The following MTCL1 variants were observed in gnomAD, a reference collection of about 807,000 sequenced individuals.
The protein encoded by MTCL1 is microtubule crosslinking factor 1, also known as microtubule cross-linking factor 1.
In MTCL1, 79 loss-of-function variants were observed where a neutral mutation model predicts 141.4. The ratio of observed to expected loss-of-function variants is 0.56; its 90% CI spans 0.47 to 0.67. The LOEUF (loss-of-function observed/expected upper bound fraction) is 0.67, where lower values mean the gene tolerates loss of function less well. MTCL1 is among the 30% of genes least tolerant of loss of function. The pLI is 0.00. For synonymous variants in MTCL1, 914 were observed against 875.8 expected (o/e 1.04, Z -0.77); for missense variants, 2,177 against 2,113.9 (o/e 1.03, Z -0.59).
At chr18:8,825,616 A>G in exon 15 of MTCL1, 1 of 1,613,884 alleles carries the variant, frequency 6.2e-7, no homozygotes, top group Non-Finnish European at 8.5e-7. Context: ...AGGAGCAGAC[A>G]GGTGGCCCCT....
intron 4 of MTCL1, among the ~76,000 whole-genome samples, chr18:8,745,912 C>A (rs982603827): frequency 6.6e-6 from 1 of 152,192 alleles, no homozygotes; most frequent in Non-Finnish European, 1.5e-5. Context: ...CTCCCAGCCC[C>A]TGGCAACCAC....
chr18:8,745,267 C>T (rs2096329970), intron 4 of MTCL1, among the ~76,000 whole-genome samples: 1 of 152,150 alleles, frequency 6.6e-6, no homozygotes, highest in African/African-American at 2.4e-5. Flanking sequence ...GTATGTCTGT[C>T]CCCCATTAAT....
Position 8,793,000 on chromosome 18 carries a change from CA to C in MTCL1, c.1891del (p.Arg631GlyfsTer13). 1 of 1,613,888 alleles carries C rather than the reference CA, an allele frequency of 6.2e-7. No individual in the cohort carries two copies. The highest frequency in any genetic ancestry group is 8.5e-7 in the Non-Finnish European group (1 of 1,179,920). ...CCTTCCTTTATCCCACCGATCAGCT[CA>C]GGGGCCCCCCCGTTTTACCTGAGCA... On this transcript the variant is annotated frameshift_variant, in exon 8 of 17. Transcript: ENST00000359865. LOFTEE classifies it high-confidence loss of function.
chr18:8,766,427 G>T (rs1477229102), intron 4 of MTCL1, among the ~76,000 whole-genome samples: 2 of 152,066 alleles, frequency 1.3e-5, no homozygotes, highest in Non-Finnish European at 2.9e-5. Context: ...TGCATCAGAG[G>T]CTGGGGCCTG....
intron 4 of MTCL1, among the ~76,000 whole-genome samples, chr18:8,752,406 C>A (rs879850327): frequency 1.3e-5 from 2 of 152,100 alleles, no homozygotes; most frequent in African/African-American, 2.4e-5. Flanking sequence ...ACTTTTAAAT[C>A]GAATTTTTTT....
At chr18:8,723,228 G>A (rs1469617313) in intron 4 of MTCL1, among the ~76,000 whole-genome samples, 2 of 152,218 alleles carry the variant, frequency 1.3e-5, no homozygotes. Context: ...AGCAGAGAAC[G>A]ATGGTATCTC....
chr18:8,786,169 T>C (rs772109495), intron 7 of MTCL1, 78 bp downstream of exon 6: 10 of 1,446,828 alleles, frequency 6.9e-6, no homozygotes, highest in Non-Finnish European at 8.5e-6. Flanking sequence ...ACGTTTTCTG[T>C]CCCGGACGAG....
chr18:8,820,295 A>G lies in MTCL1; in HGVS notation c.3156+1036A>G, dbSNP rs1049061093. 1.2e-3 allele frequency among the ~76,000 whole-genome samples: 180 copies of G among 152,180 alleles called. 1 individual carries two copies. The highest frequency in any genetic ancestry group is 4.2e-3 in the African/African-American group (176 of 41,538). ...CGTGGTGGCGGGTGCCTGTAGTCCC[A>G]GCTACTTGGGAGACTGAGGCAGGAG... is the stretch of plus-strand genomic sequence containing the variant. On this transcript the variant is annotated intron_variant, in intron 13 of 16. Coordinates refer to ENST00000359865, the Ensembl canonical transcript of MTCL1.
At chr18:8,825,664 G>A in exon 15 of MTCL1, 1 of 1,613,932 alleles carries the variant, frequency 6.2e-7, no homozygotes. Flanking sequence ...GAACGCACAT[G>A]CTGCTCCCCC....
At chr18:8,729,949 T>A (rs2080706) in intron 4 of MTCL1, among the ~76,000 whole-genome samples, 391 of 152,058 alleles carry the variant, frequency 2.6e-3, no homozygotes, top group African/African-American at 8.9e-3. Context: ...CATGTATGTC[T>A]GTGATCCATT....
chr18:8,790,059 G>A (rs1362935786), intron 7 of MTCL1, among the ~76,000 whole-genome samples: 1 of 152,200 alleles, frequency 6.6e-6, no homozygotes, highest in Non-Finnish European at 1.5e-5. Context: ...GTCTGCTGTT[G>A]GGCAGGCAGC....
In MTCL1 at chr18:8,709,008, C is replaced by T. The variant is rs140646255; in HGVS notation, c.1053+2295C>T. ...ACAATAGTTCAATTCGGGAAGGAAA[C>T]GCAGGGATCCTAATGGACTTTTCTA... On this transcript the variant is annotated intron_variant, in intron 1 of 13. Coordinates refer to the MTCL1 transcript ENST00000306329. Among the ~76,000 whole-genome samples, 16 of 152,280 alleles carry T rather than the reference C, an allele frequency of 1.1e-4. No individual in the cohort carries two copies. The East Asian group carries it at 2.1e-3, about 20-fold the overall frequency.
upstream of MTCL1, among the ~76,000 whole-genome samples, chr18:8,714,066 C>CT (rs531169805): frequency 1.5e-4 from 23 of 152,164 alleles, no homozygotes; most frequent in Non-Finnish European, 2.8e-4. Flanking sequence ...TGTTAGGCTG[C>CT]TTTTTTTGTT....
intron 6 of MTCL1, chr18:8,785,657 T>C: frequency 2.3e-6 from 1 of 444,010 alleles, no homozygotes. Flanking sequence ...TAACCAGTGT[T>C]TTGCACCCCC....
chr18:8,725,502 A>G lies in MTCL1; in HGVS notation c.357+5006A>G, dbSNP rs372116306. Among the ~76,000 whole-genome samples, 16 of 152,332 alleles carry G rather than the reference A, an allele frequency of 1.1e-4. No homozygotes were observed. In the South Asian group the frequency reaches 3.3e-3, roughly 32 times the overall value. On this transcript the variant is annotated intron_variant, in intron 4 of 16. Coordinates refer to ENST00000359865, the Ensembl canonical transcript of MTCL1. ...ACAACTATACAAAGGTTTTACAAAT[A>G]CACAAAGGTTTAACAAAGTAATGCT...
At chr18:8,782,912 G>A (rs1432946208) in intron 5 of MTCL1, among the ~76,000 whole-genome samples, 4 of 152,190 alleles carry the variant, frequency 2.6e-5, no homozygotes, top group Non-Finnish European at 5.9e-5. Context: ...TGGGGAGACC[G>A]GGATGGGGAG....
chr18:8,778,854 A>C (rs2096522570), intron 5 of MTCL1, among the ~76,000 whole-genome samples: 1 of 152,248 alleles, frequency 6.6e-6, no homozygotes, highest in Non-Finnish European at 1.5e-5. Context: ...TTTCCTTAAA[A>C]GGGGAAATTC....
At chr18:8,819,338 A>G (rs937092478) in intron 13 of MTCL1, 79 bp downstream of exon 12, 5 of 1,473,676 alleles carry the variant, frequency 3.4e-6, no homozygotes, top group Non-Finnish European at 4.6e-6. Context: ...CATCTGCCAG[A>G]TTCCTCTCCT....
chr18:8,748,280 T>C (rs2096351543), intron 4 of MTCL1, among the ~76,000 whole-genome samples: 1 of 152,032 alleles, frequency 6.6e-6, no homozygotes, highest in African/African-American at 2.4e-5. Context: ...CTCACAACAC[T>C]AAATATATTC....
Sources: allele counts gnomAD v4.1 joint callset (sites outside exome capture counted in the v4.1 genomes callset), GRCh38; gene constraint gnomAD v4.1.1; transcripts MANE v1.5; gene names NCBI Gene and HGNC (gene_info 2026-07-23, HGNC 2026-07-21).